Variants in CNOT6 observed in about 807,000 individuals in gnomAD.
CNOT6 encodes carbon catabolite repression 4 protein.
In CNOT6, 12 loss-of-function variants were observed where a neutral mutation model predicts 61.2. That is an observed-to-expected ratio of 0.20 (90% CI 0.13 to 0.32). The LOEUF (loss-of-function observed/expected upper bound fraction) is 0.32. CNOT6 is among the 10% of genes least tolerant of loss of function. The pLI is 1.00. For missense variants in CNOT6, 405 were observed against 663.9 expected (o/e 0.61, Z 4.28); for synonymous variants, 225 against 240.6 (o/e 0.94, Z 0.60).
Position 180,576,865 on chromosome 5 carries a change from T to A in CNOT6, c.*2665T>A, listed in dbSNP as rs1236401801. 1 of 152,232 alleles carries A rather than the reference T, an allele frequency of 6.6e-6. No individual in the cohort carries two copies. The highest frequency in any genetic ancestry group is 1.5e-5 in the Non-Finnish European group (1 of 68,040). The allele number at this position is 152,232 out of a possible 1,614,324, so 9.4% of individuals were successfully genotyped here. A position where few individuals can be genotyped will look rare whatever the true frequency, so the allele number is the denominator to read the frequency against. ...AAAATTCTGTAACAAATATATTTAATGTGTTGCCATAATGTCATTTCAGTA... is the reference window on the plus strand; with the variant it reads ...AAAATTCTGTAACAAATATATTTAAAGTGTTGCCATAATGTCATTTCAGTA... On this transcript the variant is annotated 3_prime_UTR_variant, in exon 12 of 12. Coordinates refer to ENST00000261951, the MANE Select transcript of CNOT6 (RefSeq NM_001370472.1).
chr5:180,517,179 T>C (rs1464585849), intron 1 of CNOT6, among the ~76,000 whole-genome samples: 3 of 152,242 alleles, frequency 2.0e-5, no homozygotes, highest in Non-Finnish European at 4.4e-5. Flanking sequence ...CTCCTTTCGC[T>C]CAGGCTGGAG....
intron 4 of CNOT6, among the ~76,000 whole-genome samples, chr5:180,563,739 G>T (rs1454256390): frequency 6.6e-6 from 1 of 152,230 alleles, no homozygotes; most frequent in East Asian, 1.9e-4. Flanking sequence ...CACAATGCTT[G>T]TGTAGGATGG....
At chr5:180,571,876 T>C (rs887073504) in intron 11 of CNOT6, among the ~76,000 whole-genome samples, 11 of 152,170 alleles carry the variant, frequency 7.2e-5, no homozygotes, top group African/African-American at 2.7e-4. Flanking sequence ...AATATTCTTT[T>C]ATTACTCTTT....
At chr5:180,506,610 C>G (rs1389860644) in intron 1 of CNOT6, among the ~76,000 whole-genome samples, 2 of 152,314 alleles carry the variant, frequency 1.3e-5, no homozygotes, top group East Asian at 3.9e-4. Flanking sequence ...TAGCGTGTCA[C>G]TAAGATAGAT....
intron 3 of CNOT6, among the ~76,000 whole-genome samples, 170 bp from the exon 4 acceptor site, chr5:180,553,216 G>GT (rs375123503): frequency 7.1e-4 from 103 of 146,008 alleles, no homozygotes; most frequent in East Asian, 2.0e-3. Flanking sequence ...TTCTCTGGCA[G>GT]TTTTTTTTTT....
intron 1 of CNOT6, among the ~76,000 whole-genome samples, chr5:180,512,700 A>G (rs541821861): frequency 5.9e-5 from 9 of 151,274 alleles, no homozygotes; most frequent in African/African-American, 2.2e-4. Flanking sequence ...AGGTTCAAGC[A>G]ATTCTCCTGC....
intron 7 of CNOT6, 137 bp downstream of exon 7, chr5:180,566,114 G>A (rs1760438774): frequency 2.6e-6 from 2 of 782,000 alleles, no homozygotes; most frequent in Non-Finnish European, 1.9e-6. Context: ...GTGAATCCTG[G>A]GAGTACTGCC....
chr5:180,529,153 G>A (rs988957346), intron 1 of CNOT6, 122 bp from the exon 2 acceptor site: 10 of 644,934 alleles, frequency 1.6e-5, no homozygotes, highest in Admixed American at 5.7e-5. Context: ...AGCCAAAATC[G>A]TGCCACTGCA....
At chr5:180,531,740 C>T (rs375874034) in intron 2 of CNOT6, among the ~76,000 whole-genome samples, 8 of 152,212 alleles carry the variant, frequency 5.3e-5, no homozygotes, top group African/African-American at 1.4e-4. Context: ...CCCGGCACCT[C>T]GGGAGGCCGA....
chr5:180,569,105 TG>T lies in CNOT6; in HGVS notation c.1028-4del, dbSNP rs764854349. ...CTTTCTTTGTTTCGTTTTTATCTAA[TG>T]TAGCCGGAAAGCCACATCTTGGAAC... On this transcript the variant is annotated splice_polypyrimidine_tract_variant and splice_region_variant and intron_variant, in intron 9 of 11. Transcript: ENST00000261951. The T allele has an allele frequency of 1.1e-5, 18 of 1,609,034 alleles. No individual in the cohort carries two copies. Among genetic ancestry groups the T allele is most frequent in the Non-Finnish European group, 1.5e-5 (18 of 1,175,824 alleles).
chr5:180,550,864 TG>T (rs1179710763), intron 3 of CNOT6, among the ~76,000 whole-genome samples: 2 of 152,166 alleles, frequency 1.3e-5, no homozygotes, highest in Non-Finnish European at 2.9e-5. Flanking sequence ...TTATTAAATT[TG>T]GGGGCCTGTA....
intron 2 of CNOT6, among the ~76,000 whole-genome samples, chr5:180,533,634 T>G (rs1758516009): frequency 1.3e-5 from 2 of 152,190 alleles, no homozygotes; most frequent in Admixed American, 1.3e-4. Context: ...AGGCTGGTCT[T>G]GAGCTCCTGG....
intron 1 of CNOT6, among the ~76,000 whole-genome samples, chr5:180,500,720 A>G (rs1756835196): frequency 6.6e-6 from 1 of 152,222 alleles, no homozygotes. Context: ...GTGTCAGGTA[A>G]CATGCTACCT....
At chr5:180,508,394 T>C (rs552798228) in intron 1 of CNOT6, among the ~76,000 whole-genome samples, 1 of 152,034 alleles carries the variant, frequency 6.6e-6, no homozygotes, top group African/African-American at 2.4e-5. Flanking sequence ...TCACTGCAAC[T>C]TCTGCTACCT....
At chr5:180,556,128 G>A (rs188468568) in intron 4 of CNOT6, among the ~76,000 whole-genome samples, 80 of 152,220 alleles carry the variant, frequency 5.3e-4, no homozygotes, top group African/African-American at 1.7e-3. Flanking sequence ...ATCGTACATA[G>A]AACAGTCAAG....
Position 180,574,030 on chromosome 5 carries a change from A to T in CNOT6, c.1504A>T (p.Thr502Ser). Reference sequence around the variant, plus strand: ...TTTCTATTCTAAACCTCAGCTGAACACCTTAGGCATCCTGGGCCCTCTGGA... The same window carrying T: ...TTTCTATTCTAAACCTCAGCTGAACTCCTTAGGCATCCTGGGCCCTCTGGA... The part of the protein sequence containing the change: ...YIFYSKPQLN[T>S]LGILGPLDHH... The change falls in exon 12 of 12, where the codon ACC (threonine) becomes TCC (serine). Residue 502 changes from threonine to serine, a missense_variant. Physicochemically the swap from Thr to Ser is moderately conservative, Grantham distance 58. This residue lies in a region of CNOT6 where 52 missense variants were observed against 69.3 expected (regional missense o/e 0.75). Coordinates refer to ENST00000261951, the MANE Select transcript of CNOT6 (RefSeq NM_001370472.1). 1 of 1,613,984 alleles carries T rather than the reference A, an allele frequency of 6.2e-7. No homozygotes were observed. Among genetic ancestry groups the T allele is most frequent in the Non-Finnish European group, 8.5e-7 (1 of 1,179,952 alleles).
intron 1 of CNOT6, among the ~76,000 whole-genome samples, chr5:180,526,038 TCCTC>T (rs1046940148): frequency 2.0e-5 from 3 of 152,150 alleles, no homozygotes; most frequent in African/African-American, 7.2e-5. Context: ...ACTCAAGTGT[TCCTC>T]CCTCCCCAGC....
intron 1 of CNOT6, among the ~76,000 whole-genome samples, chr5:180,510,116 GGTTTATC>G (rs1757317344): frequency 8.1e-6 from 1 of 123,066 alleles, no homozygotes; most frequent in Admixed American, 8.9e-5. Context: ...TCCTAAATGA[GGTTTATC>G]GTCTGTAAAC....
At chr5:180,535,131 C>T (rs1053590826) in intron 2 of CNOT6, among the ~76,000 whole-genome samples, 3 of 152,230 alleles carry the variant, frequency 2.0e-5, no homozygotes, top group African/African-American at 7.2e-5. Context: ...CTCACTGATT[C>T]GTGGGGTGGA....
Sources: gnomAD v4.1 joint callset for allele counts (sites outside exome capture counted in the v4.1 genomes callset) on GRCh38, gnomAD v4.1.1 for gene constraint, gnomAD v4.1.1 regional missense constraint, MANE v1.5 for transcripts, NCBI Gene and HGNC (gene_info 2026-07-23, HGNC 2026-07-21) for gene names.